The following RAB27A variants were observed in gnomAD, a reference collection of about 807,000 sequenced individuals.
The protein encoded by RAB27A is ras-related protein Rab-27A.
Under a neutral mutation model 20.8 loss-of-function variants are expected in RAB27A, and 17 were observed. That is an observed-to-expected ratio of 0.82 (90% CI 0.56 to 1.23). The LOEUF (loss-of-function observed/expected upper bound fraction) is 1.23, where lower values mean the gene tolerates loss of function less well. Among genes scored for constraint, RAB27A ranks in the 50% most tolerant of loss-of-function variants. The probability of loss-of-function intolerance (pLI) is 0.00; values close to 1 mark genes in which losing one functional copy is unlikely to be tolerated. For missense variants in RAB27A, 277 were observed against 266.7 expected (o/e 1.04, Z -0.27); for synonymous variants, 85 against 92.8 (o/e 0.92, Z 0.48).
chr15:55,319,086 G>A (rs537192338), exon 1 of RAB27A: 1,025 of 813,050 alleles, frequency 1.3e-3, no homozygotes, highest in Non-Finnish European at 1.8e-3. Flanking sequence ...ACGGCGAAAG[G>A]AAACCGCAAG....
At chr15:55,221,923 C>T (rs771726488) in intron 6 of RAB27A, among the ~76,000 whole-genome samples, 1 of 152,130 alleles carries the variant, frequency 6.6e-6, no homozygotes, top group Non-Finnish European at 1.5e-5. Flanking sequence ...TGGGCACCAG[C>T]TGGTTCTCAC....
intron 2 of RAB27A, among the ~76,000 whole-genome samples, chr15:55,267,835 C>T (rs142028146): frequency 8.5e-5 from 13 of 152,266 alleles, no homozygotes; most frequent in Middle Eastern, 3.4e-3. Context: ...GAAACAGCCG[C>T]AGAGAGAGGC....
chr15:55,274,807 T>TATATATATATATATATAC, intron 1 of RAB27A, among the ~76,000 whole-genome samples: 1 of 130,688 alleles, frequency 7.7e-6, no homozygotes, highest in African/African-American at 2.8e-5. Flanking sequence ...TATATATATA[T>TATATATATATATATATAC]ATATATATAT....
intron 2 of RAB27A, among the ~76,000 whole-genome samples, chr15:55,304,412 T>C (rs1300685752): frequency 6.6e-6 from 1 of 150,688 alleles, no homozygotes; most frequent in Non-Finnish European, 1.5e-5. Context: ...TATTGTCCCA[T>C]GACCCTGCCA....
chr15:55,266,874 T>A lies in RAB27A; in HGVS notation c.-23+3291A>T, dbSNP rs1897509935. 3.3e-5 allele frequency among the ~76,000 whole-genome samples: 5 copies of A among 152,258 alleles called. No individual in the cohort carries two copies. The South Asian group carries it at 6.2e-4, about 19-fold the overall frequency. On this transcript the variant is annotated intron_variant, in intron 2 of 6. Transcript: ENST00000336787. ...TGAGGGACATCAAGGGAGTTGTGTT[T>A]AATTTGCATTTGGAAAACAGACCTA... is the stretch of plus-strand genomic sequence containing the variant.
At chr15:55,310,323 T>A (rs928227761) in intron 2 of RAB27A, among the ~76,000 whole-genome samples, 2 of 151,986 alleles carry the variant, frequency 1.3e-5, no homozygotes, top group Admixed American at 1.3e-4. Context: ...TGGCCCTCAA[T>A]GGTCAAGCAC....
At chr15:55,258,267 C>A (rs1380838710) in intron 2 of RAB27A, among the ~76,000 whole-genome samples, 1 of 152,062 alleles carries the variant, frequency 6.6e-6, no homozygotes, top group Admixed American at 6.6e-5. Context: ...CTACCTATAC[C>A]AGGTCTATCC....
At chr15:55,307,343 T>G (rs2055001165) in intron 2 of RAB27A, among the ~76,000 whole-genome samples, 1 of 152,000 alleles carries the variant, frequency 6.6e-6, no homozygotes, top group Non-Finnish European at 1.5e-5. Flanking sequence ...TCCTGCTTTT[T>G]GGGGAGAGTT....
intron 2 of RAB27A, among the ~76,000 whole-genome samples, chr15:55,248,670 T>A (rs1896778843): frequency 6.6e-6 from 1 of 152,236 alleles, no homozygotes; most frequent in Non-Finnish European, 1.5e-5. Flanking sequence ...TTAGTATCTA[T>A]AAATATGTTT....
At chr15:55,298,130 G>A (rs889641667) in intron 2 of RAB27A, among the ~76,000 whole-genome samples, 7 of 151,588 alleles carry the variant, frequency 4.6e-5, no homozygotes, top group Non-Finnish European at 7.4e-5. Context: ...GTGTGAACCC[G>A]GGAGGCAGAG....
chr15:55,282,768 T>A (rs1485196567), intron 1 of RAB27A, among the ~76,000 whole-genome samples: 1 of 152,066 alleles, frequency 6.6e-6, no homozygotes, highest in Non-Finnish European at 1.5e-5. Flanking sequence ...TCTCACTTCC[T>A]CCTGCTGGTA....
intron 6 of RAB27A, 136 bp downstream of exon 6, chr15:55,223,753 G>A: frequency 9.8e-7 from 1 of 1,021,030 alleles, no homozygotes. Context: ...ATATAAAAAG[G>A]ACACATTCAA....
chr15:55,218,543 C>A (rs1293779044), intron 6 of RAB27A, among the ~76,000 whole-genome samples: 1 of 152,134 alleles, frequency 6.6e-6, no homozygotes, highest in Non-Finnish European at 1.5e-5. Context: ...TACTTGAAAT[C>A]CCTGAAATGA....
intron 6 of RAB27A, among the ~76,000 whole-genome samples, chr15:55,218,710 T>C (rs1009221799): frequency 2.1e-4 from 32 of 152,088 alleles, no homozygotes; most frequent in Non-Finnish European, 4.1e-4. Flanking sequence ...ACACAAAATA[T>C]GTACATTCAG....
intron 2 of RAB27A, among the ~76,000 whole-genome samples, chr15:55,303,133 G>T (rs2054981034): frequency 7.6e-6 from 1 of 130,922 alleles, no homozygotes; most frequent in African/African-American, 3.0e-5. Context: ...GAGGGAGGTG[G>T]GGGGGTCAGC....
At chr15:55,315,049 T>G (rs1416384075) in intron 1 of RAB27A, among the ~76,000 whole-genome samples, 3 of 152,188 alleles carry the variant, frequency 2.0e-5, no homozygotes, top group Non-Finnish European at 4.4e-5. Flanking sequence ...ACCATGGTAC[T>G]GGTACCAAAA....
In RAB27A at chr15:55,205,652, A is replaced by G. The variant is rs1894610971; in HGVS notation, c.521T>C (p.Ile174Thr). The stretch of plus-strand genomic sequence containing the variant: ...CATTATCAGGTCCAGAAGCATCTCA[A>G]TTGCTTGGCTTATGTTTGTCCCATT... The part of the protein sequence containing the change: ...AANGTNISQA[I>T]EMLLDLIMKR... The change falls in exon 7 of 7, where the codon ATT (isoleucine) becomes ACT (threonine). Residue 174 changes from isoleucine to threonine, a missense_variant. Transcript: ENST00000336787. The G allele has an allele frequency of 6.2e-7, 1 of 1,613,978 alleles. No individual in the cohort carries two copies. The highest frequency in any genetic ancestry group is 8.5e-7 in the Non-Finnish European group (1 of 1,180,020).
intron 2 of RAB27A, among the ~76,000 whole-genome samples, chr15:55,311,581 T>G (rs188167698): frequency 6.6e-6 from 1 of 152,166 alleles, no homozygotes; most frequent in Non-Finnish European, 1.5e-5. Flanking sequence ...TTGTGAGTTG[T>G]CTCTTAATGA....
intron 6 of RAB27A, among the ~76,000 whole-genome samples, chr15:55,212,920 C>G (rs575574321): frequency 2.6e-5 from 4 of 152,322 alleles, no homozygotes; most frequent in Admixed American, 2.0e-4. Flanking sequence ...TGCTTCAAAA[C>G]TGTATAGCTG....
Sources: allele counts gnomAD v4.1 joint callset (sites outside exome capture counted in the v4.1 genomes callset), GRCh38; gene constraint gnomAD v4.1.1; transcripts MANE v1.5; gene names NCBI Gene and HGNC (gene_info 2026-07-23, HGNC 2026-07-21).